NUMA1: variants seen among roughly 807,000 people sequenced by gnomAD.
NUMA1 encodes SP-H antigen.
In NUMA1, 62 loss-of-function variants were observed where a neutral mutation model predicts 237.1. The ratio of observed to expected loss-of-function variants is 0.26; its 90% confidence interval spans 0.21 to 0.32. The LOEUF (loss-of-function observed/expected upper bound fraction) is 0.32, where lower values mean the gene tolerates loss of function less well. NUMA1 is among the 10% of genes least tolerant of loss of function. NUMA1 has a pLI of 1.00. For synonymous variants in NUMA1, 1,028 were observed against 1,066.1 expected (o/e 0.96, Z 0.70); for missense variants, 2,533 against 2,666.5 (o/e 0.95, Z 1.10).
chr11:72,036,962 G>T (rs1349064236), intron 2 of NUMA1, among the ~76,000 whole-genome samples: 1 of 152,154 alleles, frequency 6.6e-6, no homozygotes, highest in Admixed American at 6.5e-5. Context: ...AACAAGAGTG[G>T]TAAGAGCCAC....
In NUMA1 at chr11:72,015,184, C is replaced by A; in HGVS notation, c.2319G>T (p.Gln773His). 2 of 1,613,562 alleles carry A rather than the reference C, an allele frequency of 1.2e-6. No individual in the cohort carries two copies. Among genetic ancestry groups the A allele is most frequent in the Non-Finnish European group, 1.7e-6 (2 of 1,180,054 alleles). ...GRKGLEARLQ[Q>H]LGEAHQAETE... ...TCTCAGCCTGATGGGCCTCCCCAAG[C>A]TGCTGTAATCGAGCCTCCAGCCCCT... Residue 773 changes from glutamine to histidine, a missense_variant, in exon 15 of 27, where the codon CAG becomes CAT. Gln to His is a conservative substitution (Grantham distance 24). This residue lies in a region of NUMA1 where 1,414 missense variants were observed against 1,508.1 expected (regional missense o/e 0.94). Transcript: ENST00000393695. This position sits in a 1 kb window ranked among gnomAD's most constrained non-coding sequence, Gnocchi z 4.0.
chr11:72,003,817 T>C, intron 26 of NUMA1, 70 bp downstream of exon 26: 1 of 1,507,014 alleles, frequency 6.6e-7, no homozygotes, highest in Non-Finnish European at 9.1e-7. Context: ...GGATGCTACT[T>C]GGTGGGGCGG....
chr11:72,010,362 G>A (rs1392200071), intron 17 of NUMA1, among the ~76,000 whole-genome samples: 1 of 152,214 alleles, frequency 6.6e-6, no homozygotes, highest in African/African-American at 2.4e-5. Flanking sequence ...TGACACTCTC[G>A]TTCTTTCCCT....
intron 2 of NUMA1, among the ~76,000 whole-genome samples, chr11:72,055,696 C>T (rs573550932): frequency 6.6e-6 from 1 of 151,858 alleles, no homozygotes; most frequent in Non-Finnish European, 1.5e-5. Flanking sequence ...AAATACCAGG[C>T]AAGCCAGGTC....
At position 72,013,140 on chromosome 11, in the gene NUMA1, C is replaced by T; in HGVS notation, c.4363G>A (p.Gly1455Ser). 1 of 1,614,148 alleles carries T rather than the reference C, an allele frequency of 6.2e-7. No individual in the cohort carries two copies. Among genetic ancestry groups the T allele is most frequent in the Non-Finnish European group, 8.5e-7 (1 of 1,180,048 alleles). Residue 1455 changes from glycine to serine, a missense_variant, in exon 15 of 27, where the codon GGT becomes AGT. Physicochemically the swap from Gly to Ser is moderately conservative, Grantham distance 56. Around this residue, in one of 3 missense-constraint regions of NUMA1, gnomAD observed 324 missense variants for 407.6 expected, o/e 0.79. Coordinates refer to ENST00000393695, the MANE Select transcript of NUMA1 (RefSeq NM_006185.4). This position sits in a 1 kb window ranked among gnomAD's most constrained non-coding sequence, Gnocchi z 6.8. Reference protein sequence around the residue: ...GLLAEENRGLGERANLGRQFL... With the variant: ...GLLAEENRGLSERANLGRQFL... ...TGCCGGCCAAGGTTGGCCCGCTCACCCAGCCCCCGGTTCTCCTCTGCCAGC... is the reference window on the plus strand; with the variant it reads ...TGCCGGCCAAGGTTGGCCCGCTCACTCAGCCCCCGGTTCTCCTCTGCCAGC...
intron 5 of NUMA1, 101 bp from the exon 6 acceptor site, chr11:72,023,248 G>A: frequency 1.2e-6 from 1 of 848,772 alleles, no homozygotes; most frequent in East Asian, 2.4e-5. Flanking sequence ...TATCTCTGGT[G>A]GGGCTATGAG....
rs118044104 is a variant in NUMA1 at position 72,044,338 on chromosome 11, A to G, written c.-32-8363T>C. On this transcript the variant is annotated intron_variant, in intron 2 of 26. Coordinates refer to ENST00000393695, the MANE Select transcript of NUMA1 (RefSeq NM_006185.4). Reference sequence around the variant, plus strand: ...CACTGGCTAGCATGTAAGGCATAGGATGGGTGTTTCCTGCAGACTAATTCC... The same window carrying G: ...CACTGGCTAGCATGTAAGGCATAGGGTGGGTGTTTCCTGCAGACTAATTCC... 1.1e-4 allele frequency among the ~76,000 whole-genome samples: 16 copies of G among 152,162 alleles called. No homozygotes were observed. The East Asian group carries it at 3.1e-3, about 29-fold the overall frequency.
In NUMA1 at chr11:72,029,135, A is replaced by G. The variant is rs1939960728; in HGVS notation, c.128+70T>C. ...TCATAGCCATCATCAAGTAAAGAGAACAAGTACAGCCCCCACCCCAGCAAT... is the reference window on the plus strand; with the variant it reads ...TCATAGCCATCATCAAGTAAAGAGAGCAAGTACAGCCCCCACCCCAGCAAT... On this transcript the variant is annotated intron_variant, in intron 4 of 26. Coordinates refer to ENST00000393695, the MANE Select transcript of NUMA1 (RefSeq NM_006185.4). 6.5e-5 allele frequency: 73 copies of G among 1,129,584 alleles called. No homozygotes were observed. The South Asian group carries it at 8.9e-4, about 14-fold the overall frequency. 70.0% of individuals were successfully genotyped at this position (1,129,584 alleles called of 1,614,324 possible). A position where few individuals can be genotyped will look rare whatever the true frequency, so the allele number is the denominator to read the frequency against.
At chr11:72,051,228 C>T (rs369503373) in intron 2 of NUMA1, among the ~76,000 whole-genome samples, 1 of 152,090 alleles carries the variant, frequency 6.6e-6, no homozygotes, top group South Asian at 2.1e-4. Context: ...AACGTGATCA[C>T]CATCAGAGAA....
In NUMA1 at chr11:72,017,690, G is replaced by C; in HGVS notation, c.1116C>G (p.Asp372Glu). The change falls in exon 13 of 27, where the codon GAC becomes GAG. Residue 372 changes from aspartate (D) to glutamate (E), a missense_variant. By Grantham distance (45) the Asp-to-Glu change is conservative. This residue lies in a region of NUMA1 where 1,414 missense variants were observed against 1,508.1 expected (regional missense o/e 0.94). Transcript: ENST00000393695. ...TGTGACCCCAGCAGAGGGTTACCTT[G>C]TCCTGCAGGGCTGCGCTGAGCTCCT... ...LEKELSAALQ[D>E]KKCLEEKNEI... 1.2e-6 allele frequency: 2 copies of C among 1,612,984 alleles called. No individual in the cohort carries two copies. The highest frequency in any genetic ancestry group is 1.7e-6 in the Non-Finnish European group (2 of 1,180,008).
In NUMA1 at chr11:72,014,503, C is replaced by T. The variant is rs757218122; in HGVS notation, c.3000G>A (p.Gly1000=). 3 of 1,601,932 alleles carry T rather than the reference C, an allele frequency of 1.9e-6. No homozygotes were observed. Among genetic ancestry groups the T allele is most frequent in the South Asian group, 1.1e-5 (1 of 91,074 alleles). The part of the protein sequence containing the change: ...ESQGQQQEER[G]QQEREVARLT... ...GCCGCGCCACCTCCCTTTCCTGCTG[C>T]CCACGCTCCTCCTGCTGCTGCCCCT... Residue 1000 remains glycine, a synonymous_variant, in exon 15 of 27, where the codon GGG becomes GGA. Coordinates refer to ENST00000393695, the MANE Select transcript of NUMA1 (RefSeq NM_006185.4). This position sits in a 1 kb window ranked among gnomAD's most constrained non-coding sequence, Gnocchi z 4.6.
At position 72,014,049 on chromosome 11, in the gene NUMA1, C is replaced by T; in HGVS notation, c.3454G>A (p.Ala1152Thr). The change falls in exon 15 of 27, where the codon GCT becomes ACT. Residue 1152 changes from alanine to threonine, a missense_variant. By Grantham distance (58) the Ala-to-Thr change is moderately conservative. Transcript: ENST00000393695. This position sits in a 1 kb window ranked among gnomAD's most constrained non-coding sequence, Gnocchi z 4.6. Reference protein sequence around the residue: ...QADSLERSLEAERASRAERDS... With the variant: ...QADSLERSLETERASRAERDS... ...CGCTCAGCCCGGGAGGCCCGCTCAG[C>T]CTCGAGGCTGCGTTCCAGGCTGTCA... The T allele has an allele frequency of 6.2e-7, 1 of 1,610,972 alleles. No individual in the cohort carries two copies. Among genetic ancestry groups the T allele is most frequent in the Non-Finnish European group, 8.5e-7 (1 of 1,180,008 alleles).
At chr11:72,027,859 G>A (rs1341772029) in intron 4 of NUMA1, among the ~76,000 whole-genome samples, 3 of 152,338 alleles carry the variant, frequency 2.0e-5, no homozygotes, top group East Asian at 1.9e-4. Context: ...GACGCTGGAT[G>A]TGAGCAGAGA....
At chr11:72,023,413 T>C (rs117248275) in intron 5 of NUMA1, among the ~76,000 whole-genome samples, 347 of 152,166 alleles carry the variant, frequency 2.3e-3, no homozygotes, top group Middle Eastern at 6.8e-3. Flanking sequence ...GATGTTGCAC[T>C]CTCCCACCCA....
At chr11:72,033,408 A>C (rs965608757) in intron 3 of NUMA1, among the ~76,000 whole-genome samples, 2 of 143,406 alleles carry the variant, frequency 1.4e-5, no homozygotes, top group Non-Finnish European at 3.0e-5. Flanking sequence ...CTTTCACTCT[A>C]TTGTCCAGGC....
intron 4 of NUMA1, among the ~76,000 whole-genome samples, chr11:72,025,236 T>C (rs1939415678): frequency 6.6e-6 from 1 of 152,090 alleles, no homozygotes; most frequent in Non-Finnish European, 1.5e-5. Flanking sequence ...CTTGCTTAAC[T>C]GGAAGAGCGG....
rs747676844 is a variant in NUMA1 at position 72,018,809 on chromosome 11, T to C, written c.742+14A>G. 2.5e-6 allele frequency: 4 copies of C among 1,604,084 alleles called. No individual in the cohort carries two copies. The South Asian group carries it at 4.4e-5, about 18-fold the overall frequency. On this transcript the variant is annotated intron_variant, in intron 10 of 26. Transcript: ENST00000393695. ...AAGTCTATTCACACATCTGCCAGTG[T>C]GCCAGCCACCTACCCTTCTCGGTGA...
chr11:72,012,335 G>C (rs927495276), intron 16 of NUMA1, 66 bp downstream of exon 16: 1 of 1,491,602 alleles, frequency 6.7e-7, no homozygotes, highest in Non-Finnish European at 9.3e-7. Flanking sequence ...AGCTGCAGCC[G>C]GGCTCATGCA....
Position 72,015,774 on chromosome 11 carries a change from T to C in NUMA1, c.1729A>G (p.Thr577Ala). 2 of 1,614,232 alleles carry C rather than the reference T, an allele frequency of 1.2e-6. No individual in the cohort carries two copies. The highest frequency in any genetic ancestry group is 1.1e-5 in the South Asian group (1 of 91,082). Residue 577 changes from threonine (T) to alanine (A), a missense_variant, in exon 15 of 27, where the codon ACT becomes GCT. Transcript: ENST00000393695. This position sits in a 1 kb window ranked among gnomAD's most constrained non-coding sequence, Gnocchi z 4.0. ...LKEVAEKQEA[T>A]RQDHAQQLAT... The stretch of plus-strand genomic sequence containing the variant: ...AGTTGCTGGGCATGGTCCTGCCTAG[T>C]TGCCTCCTGCTTCTCCGCTACCTCC...
Sources: gnomAD v4.1 joint callset for allele counts (sites outside exome capture counted in the v4.1 genomes callset) on GRCh38, gnomAD v4.1.1 for gene constraint, gnomAD v4.1.1 regional missense constraint, Gnocchi (gnomAD v3.1) non-coding constraint, MANE v1.5 for transcripts, NCBI Gene and HGNC (gene_info 2026-07-23, HGNC 2026-07-21) for gene names.